Variants in OXSR1 observed in about 807,000 individuals in gnomAD.
OXSR1 encodes serine/threonine-protein kinase OSR1.
Under a neutral mutation model 79.8 loss-of-function variants are expected in OXSR1, and 24 were observed. The observed-to-expected ratio is 0.30, with a 90% CI of 0.22 to 0.42. OXSR1 has a LOEUF of 0.42. Ranked by LOEUF, OXSR1 falls within the 10% of genes least tolerant of loss-of-function variation. OXSR1 has a pLI of 1.00. For missense variants in OXSR1, 430 were observed against 618.4 expected, an observed-to-expected ratio of 0.70 and a Z score of 3.23; for synonymous variants, 226 against 209.2, an observed-to-expected ratio of 1.08 and a Z score of -0.69.
chr3:38,166,406 G>A (rs1701457717), intron 1 of OXSR1, among the ~76,000 whole-genome samples: 1 of 152,120 alleles, frequency 6.6e-6, no homozygotes, highest in South Asian at 2.1e-4. Context: ...AGGTGAAGCT[G>A]CAGGAACCGC....
chr3:38,235,186 A>G (rs994327623), intron 10 of OXSR1, among the ~76,000 whole-genome samples: 2 of 152,200 alleles, frequency 1.3e-5, no homozygotes, highest in African/African-American at 4.8e-5. Flanking sequence ...CACAACTTTG[A>G]ATATACTAAA....
chr3:38,180,748 G>C (rs1412369893), intron 1 of OXSR1, among the ~76,000 whole-genome samples: 1 of 151,740 alleles, frequency 6.6e-6, no homozygotes, highest in Non-Finnish European at 1.5e-5. Context: ...CGCCCAGGCT[G>C]GTCTTGAACT....
chr3:38,232,174 C>A lies in OXSR1; in HGVS notation c.951+1744C>A, dbSNP rs148861328. Among the ~76,000 whole-genome samples, 52 of 151,954 alleles carry A rather than the reference C, an allele frequency of 3.4e-4. No homozygotes were observed. The East Asian group carries it at 8.0e-3, about 23-fold the overall frequency. On this transcript the variant is annotated intron_variant, in intron 10 of 17. Coordinates refer to ENST00000311806, the MANE Select transcript of OXSR1 (RefSeq NM_005109.3). ...TGACTCACGCTTGTAATCCCAGCAC[C>A]TGTGGGAGGCTGAGGTGGGAGGATA...
intron 4 of OXSR1, among the ~76,000 whole-genome samples, chr3:38,204,525 G>A (rs1444606174): frequency 6.6e-6 from 1 of 151,904 alleles, no homozygotes; most frequent in Admixed American, 6.6e-5. Context: ...ATTATGCAGG[G>A]ACCAAAGGCT....
intron 4 of OXSR1, among the ~76,000 whole-genome samples, chr3:38,205,204 A>G (rs987896642): frequency 2.0e-5 from 3 of 152,208 alleles, no homozygotes; most frequent in African/African-American, 4.8e-5. Context: ...TCCTATCACC[A>G]TTAGTGTCTC....
rs573860032 is a variant in OXSR1 at position 38,173,041 on chromosome 3, G to A, written c.70+7095G>A. On this transcript the variant is annotated intron_variant, in intron 1 of 17. Transcript: ENST00000311806. ...GGCAAAAGGACAAAGACACATGACA[G>A]CTGAGTTGGTTCTCTTTTAAAAGGC... is the stretch of plus-strand genomic sequence containing the variant. Among the ~76,000 whole-genome samples, 3 of 152,322 alleles carry A rather than the reference G, an allele frequency of 2.0e-5. No individual in the cohort carries two copies. The South Asian group carries it at 6.2e-4, about 32-fold the overall frequency.
chr3:38,189,328 C>T (rs1340272829), intron 2 of OXSR1, among the ~76,000 whole-genome samples: 1 of 152,020 alleles, frequency 6.6e-6, no homozygotes, highest in Non-Finnish European at 1.5e-5. Flanking sequence ...TATCTGTTTC[C>T]TCTTATGTGT....
At chr3:38,169,394 CT>C (rs1327626064) in intron 1 of OXSR1, among the ~76,000 whole-genome samples, 1 of 151,928 alleles carries the variant, frequency 6.6e-6, no homozygotes, top group East Asian at 1.9e-4. Context: ...CAACCTCTGT[CT>C]CTTGAGTTCA....
intron 10 of OXSR1, among the ~76,000 whole-genome samples, chr3:38,231,153 G>T (rs562571347): frequency 7.7e-4 from 118 of 152,264 alleles, no homozygotes; most frequent in Admixed American, 3.1e-3. Flanking sequence ...AGATCTCACT[G>T]CTTGGGAATT....
chr3:38,251,526 T>A, intron 16 of OXSR1, 55 bp downstream of exon 16: 2 of 1,396,192 alleles, frequency 1.4e-6, no homozygotes, highest in Non-Finnish European at 2.0e-6. Context: ...GTATACTTAG[T>A]ACATAGAAAA....
rs527659318 is a variant in OXSR1 at position 38,224,412 on chromosome 3, A to G, written c.703-159A>G. Among the ~76,000 whole-genome samples the G allele has an allele frequency of 3.9e-5, 6 of 152,370 alleles. No individual in the cohort carries two copies. In the East Asian group the frequency reaches 1.2e-3, roughly 29 times the overall value. On this transcript the variant is annotated intron_variant, in intron 7 of 17. Coordinates refer to ENST00000311806, the MANE Select transcript of OXSR1 (RefSeq NM_005109.3). ...CAGATTATTTACGTGAAATACACGT[A>G]ATAACTCTGGGTTTTAAACAACTGA...
intron 1 of OXSR1, among the ~76,000 whole-genome samples, chr3:38,166,756 C>T (rs1701469739): frequency 7.0e-6 from 1 of 143,298 alleles, no homozygotes; most frequent in East Asian, 2.0e-4. Context: ...CGCCACTGCA[C>T]TCCAGCCTGG....
chr3:38,207,020 A>G (rs1366055723), intron 4 of OXSR1, among the ~76,000 whole-genome samples: 1 of 152,262 alleles, frequency 6.6e-6, no homozygotes, highest in Admixed American at 6.5e-5. Context: ...AGCACACAAG[A>G]ATCAGTGAAC....
At chr3:38,248,338 G>GCCCCCCCCC (rs34969862) in intron 14 of OXSR1, among the ~76,000 whole-genome samples, 5 of 69,606 alleles carry the variant, frequency 7.2e-5, no homozygotes, top group African/African-American at 2.2e-4. Context: ...TCCCTGCCCC[G>GCCCCCCCCC]CCCCCCCCGC....
intron 1 of OXSR1, among the ~76,000 whole-genome samples, chr3:38,178,635 T>TC (rs1701723214): frequency 7.0e-6 from 1 of 142,346 alleles, no homozygotes; most frequent in African/African-American, 2.6e-5. Context: ...TTTTTTTTTT[T>TC]TTTTTTCTTT....
In OXSR1 at chr3:38,167,896, T is replaced by G. The variant is rs950378206; in HGVS notation, c.70+1950T>G. ...ATCATCATTTTAAAAGAAGAGTTTTTTTTTTTTTTTTCTGGTAGTGTATCC... is the reference window on the plus strand; with the variant it reads ...ATCATCATTTTAAAAGAAGAGTTTTGTTTTTTTTTTTCTGGTAGTGTATCC... On this transcript the variant is annotated intron_variant, in intron 1 of 17. Coordinates refer to ENST00000311806, the MANE Select transcript of OXSR1 (RefSeq NM_005109.3). 4.3e-4 allele frequency among the ~76,000 whole-genome samples: 65 copies of G among 152,084 alleles called. 1 individual carries two copies. The highest frequency in any genetic ancestry group is 4.1e-3 in the Admixed American group (63 of 15,272).
At chr3:38,189,765 G>T (rs761446004) in intron 2 of OXSR1, among the ~76,000 whole-genome samples, 86 of 152,326 alleles carry the variant, frequency 5.6e-4, no homozygotes, top group Middle Eastern at 3.4e-3. Flanking sequence ...TGAGCTTACA[G>T]TTTTGTGGGG....
In OXSR1 at chr3:38,165,812, C is replaced by A; in HGVS notation, c.-65C>A. The A allele has an allele frequency of 7.1e-7, 1 of 1,401,082 alleles. No homozygotes were observed. Among genetic ancestry groups the A allele is most frequent in the Non-Finnish European group, 9.9e-7 (1 of 1,009,182 alleles). 86.8% of individuals were successfully genotyped at this position (1,401,082 alleles called of 1,614,324 possible). A position where few individuals can be genotyped will look rare whatever the true frequency, so the allele number is the denominator to read the frequency against. ...GCGGCGGCTGTTGGGGGTGGGGAGA[C>A]GCGCGGCGAGGAGACGAGCGAGGTC... On this transcript the variant is annotated 5_prime_UTR_variant, in exon 1 of 18. Transcript: ENST00000311806.
At chr3:38,239,349 AT>A (rs1445562700) in intron 11 of OXSR1, among the ~76,000 whole-genome samples, 1 of 152,040 alleles carries the variant, frequency 6.6e-6, no homozygotes, top group East Asian at 1.9e-4. Context: ...CTTGCTGACA[AT>A]TTTGTATTTC....
Sources: gnomAD v4.1 joint callset for allele counts (sites outside exome capture counted in the v4.1 genomes callset) on GRCh38, gnomAD v4.1.1 for gene constraint, MANE v1.5 for transcripts, NCBI Gene and HGNC (gene_info 2026-07-23, HGNC 2026-07-21) for gene names.